UNC79: variants seen among roughly 807,000 people sequenced by gnomAD.
UNC79 encodes the protein protein unc-79 homolog.
Under a neutral mutation model 283.1 loss-of-function variants are expected in UNC79, and 37 were observed. The ratio of observed to expected loss-of-function variants is 0.13; its 90% CI spans 0.10 to 0.17. The LOEUF (loss-of-function observed/expected upper bound fraction) is 0.17. Among genes scored for constraint, UNC79 ranks in the 10% least tolerant of loss-of-function variants. The probability of loss-of-function intolerance (pLI) is 1.00; values close to 1 mark genes in which losing one functional copy is unlikely to be tolerated. For missense variants in UNC79, 2,272 were observed against 3,211.1 expected (o/e 0.71, Z 7.07); for synonymous variants, 1,107 against 1,200.2 (o/e 0.92, Z 1.61).
intron 1 of UNC79, among the ~76,000 whole-genome samples, chr14:93,460,831 C>A (rs796519569): frequency 6.6e-6 from 1 of 151,990 alleles, no homozygotes; most frequent in South Asian, 2.1e-4. Flanking sequence ...TCGAGACCAG[C>A]CTGAGCAGTA....
intron 1 of UNC79, among the ~76,000 whole-genome samples, chr14:93,442,150 C>A (rs2056320971): frequency 6.6e-6 from 1 of 151,816 alleles, no homozygotes; most frequent in African/African-American, 2.4e-5. Context: ...TTTTAAGTAG[C>A]CTTAACTATA....
intron 33 of UNC79, among the ~76,000 whole-genome samples, chr14:93,641,644 G>A (rs1286792107): frequency 6.6e-6 from 1 of 152,120 alleles, no homozygotes; most frequent in Non-Finnish European, 1.5e-5. Flanking sequence ...TAGAGTGACT[G>A]TCTCAAAAGC....
intron 1 of UNC79, among the ~76,000 whole-genome samples, chr14:93,374,842 C>T (rs573959712): frequency 3.0e-4 from 45 of 152,200 alleles, no homozygotes; most frequent in Non-Finnish European, 5.1e-4. Flanking sequence ...CCACCATACT[C>T]GGCCTCCATT....
intron 22 of UNC79, among the ~76,000 whole-genome samples, chr14:93,589,201 C>T (rs1476342642): frequency 6.6e-6 from 1 of 152,028 alleles, no homozygotes; most frequent in Non-Finnish European, 1.5e-5. Context: ...TTCTTTTTCT[C>T]CGGCGCTCAG....
At chr14:93,487,283 A>G (rs10129979) in intron 4 of UNC79, among the ~76,000 whole-genome samples, 78,437 of 151,958 alleles carry the variant, frequency 0.52, 20,789 homozygotes, top group Admixed American at 0.62. Flanking sequence ...TTTCCTTTTT[A>G]TTTTCTCATT....
At chr14:93,510,455 T>C (rs935437156) in intron 7 of UNC79, among the ~76,000 whole-genome samples, 1 of 152,252 alleles carries the variant, frequency 6.6e-6, no homozygotes, top group South Asian at 2.1e-4. Context: ...GTTTCAGTTT[T>C]GGATAATCTC....
chr14:93,535,742 C>A (rs1300136378), intron 11 of UNC79, among the ~76,000 whole-genome samples: 3 of 152,122 alleles, frequency 2.0e-5, no homozygotes, highest in Non-Finnish European at 4.4e-5. Context: ...GGCATCCTGG[C>A]AGAGATCTGG....
intron 1 of UNC79, among the ~76,000 whole-genome samples, chr14:93,421,786 A>AG (rs1451981952): frequency 6.6e-6 from 1 of 151,290 alleles, no homozygotes; most frequent in Admixed American, 6.6e-5. Context: ...TAAAAAAAAA[A>AG]AAAGAAAACA....
At chr14:93,503,292 T>C (rs2059382989) in intron 7 of UNC79, among the ~76,000 whole-genome samples, 1 of 152,196 alleles carries the variant, frequency 6.6e-6, no homozygotes, top group Admixed American at 6.5e-5. Context: ...AGTTTACCTA[T>C]CCATTCTATT....
intron 47 of UNC79, among the ~76,000 whole-genome samples, chr14:93,697,087 A>G (rs1309045301): frequency 3.3e-5 from 5 of 151,942 alleles, no homozygotes; most frequent in African/African-American, 9.7e-5. Context: ...ATACAATTCT[A>G]TTTCTGACTT....
chr14:93,641,914 G>A (rs763284264), intron 33 of UNC79, among the ~76,000 whole-genome samples: 3 of 152,172 alleles, frequency 2.0e-5, no homozygotes, highest in Non-Finnish European at 4.4e-5. Flanking sequence ...GAGATCTGAT[G>A]ATTTTATGAA....
intron 26 of UNC79, among the ~76,000 whole-genome samples, chr14:93,609,893 T>C (rs1469852083): frequency 2.0e-5 from 3 of 152,192 alleles, no homozygotes; most frequent in African/African-American, 7.2e-5. Context: ...AGGGGTAAAT[T>C]ATTAGAATAA....
chr14:93,435,078 A>G (rs949037537), intron 1 of UNC79, among the ~76,000 whole-genome samples: 2 of 152,196 alleles, frequency 1.3e-5, no homozygotes, highest in South Asian at 2.1e-4. Context: ...TTTGCACATT[A>G]TATGGTAATA....
intron 7 of UNC79, among the ~76,000 whole-genome samples, chr14:93,510,919 G>T (rs1422436518): frequency 1.3e-5 from 2 of 152,066 alleles, no homozygotes; most frequent in African/African-American, 4.8e-5. Flanking sequence ...GTATTAGTTT[G>T]TTCACACACT....
rs554834355 is a variant in UNC79 at position 93,601,149 on chromosome 14, T to C, written c.3574+379T>C. 8.5e-5 allele frequency among the ~76,000 whole-genome samples: 13 copies of C among 152,290 alleles called. No individual in the cohort carries two copies. In the South Asian group the frequency reaches 2.7e-3, roughly 32 times the overall value. On this transcript the variant is annotated intron_variant, in intron 25 of 48. Coordinates refer to ENST00000555664, the Ensembl canonical transcript of UNC79. Reference sequence around the variant, plus strand: ...TTTGGGGACATAGGTGGGTTTTGGTTACATGGATAAGTTCTTTAGTGGTAA... The same window carrying C: ...TTTGGGGACATAGGTGGGTTTTGGTCACATGGATAAGTTCTTTAGTGGTAA...
At chr14:93,596,220 C>G (rs2065070192) in intron 23 of UNC79, among the ~76,000 whole-genome samples, 1 of 152,160 alleles carries the variant, frequency 6.6e-6, no homozygotes, top group African/African-American at 2.4e-5. Context: ...TAATGATATG[C>G]AAATGAGTAG....
intron 22 of UNC79, among the ~76,000 whole-genome samples, 200 bp downstream of exon 22, chr14:93,587,108 T>A (rs771009238): frequency 1.2e-4 from 18 of 152,252 alleles, no homozygotes; most frequent in Non-Finnish European, 2.4e-4. Context: ...AATTTCCATT[T>A]GCCTGATACT....
At chr14:93,390,893 G>A (rs1440490756) in intron 1 of UNC79, among the ~76,000 whole-genome samples, 1 of 152,120 alleles carries the variant, frequency 6.6e-6, no homozygotes, top group Non-Finnish European at 1.5e-5. Flanking sequence ...CAATTTATCT[G>A]TAGATTTAAA....
At chr14:93,384,035 A>G (rs1470755987) in intron 1 of UNC79, among the ~76,000 whole-genome samples, 1 of 152,158 alleles carries the variant, frequency 6.6e-6, no homozygotes, top group Non-Finnish European at 1.5e-5. Flanking sequence ...TTTCTTTTGT[A>G]AATTGCCCAG....
Sources: gnomAD v4.1 joint callset for allele counts (sites outside exome capture counted in the v4.1 genomes callset) on GRCh38, gnomAD v4.1.1 for gene constraint, MANE v1.5 for transcripts, NCBI Gene and HGNC (gene_info 2026-07-23, HGNC 2026-07-21) for gene names.